GALC: variants seen among roughly 807,000 people sequenced by gnomAD.
GALC encodes galactocerebrosidase.
GALC carries 77 observed loss-of-function variants against 91.8 expected under a neutral mutation model. That is an observed-to-expected ratio of 0.84 (90% CI 0.70 to 1.01). GALC has a LOEUF of 1.01. Ranked by LOEUF, GALC falls within the 50% of genes least tolerant of loss-of-function variation. The probability of loss-of-function intolerance (pLI) is 0.00; values close to 1 mark genes in which losing one functional copy is unlikely to be tolerated. For missense variants in GALC, 882 were observed against 855.9 expected, an observed-to-expected ratio of 1.03 and a Z score of -0.38; for synonymous variants, 357 against 306.7, an observed-to-expected ratio of 1.16 and a Z score of -1.71.
At chr14:87,989,111 A>C (rs1887092518) in intron 1 of GALC, among the ~76,000 whole-genome samples, 1 of 152,194 alleles carries the variant, frequency 6.6e-6, no homozygotes, top group African/African-American at 2.4e-5. Flanking sequence ...ACGGCATACA[A>C]CTATTTGAAA....
At chr14:87,950,611 A>G (rs1401162138) in intron 11 of GALC, 48 bp downstream of exon 11, 3 of 1,195,290 alleles carry the variant, frequency 2.5e-6, no homozygotes, top group Non-Finnish European at 3.7e-6. Flanking sequence ...GACAGAATAT[A>G]TAAATTCTTA....
At chr14:87,941,614 T>C (rs1884859207) in intron 14 of GALC, 56 bp from the exon 15 acceptor site, 1 of 1,148,790 alleles carries the variant, frequency 8.7e-7, no homozygotes, top group Non-Finnish European at 1.3e-6. Flanking sequence ...TGTAACATAG[T>C]ACAGATATGT....
In GALC at chr14:87,975,263, G is replaced by A. The variant is rs147369538; in HGVS notation, c.752+1095C>T. 2.2e-4 allele frequency among the ~76,000 whole-genome samples: 33 copies of A among 152,030 alleles called. No individual in the cohort carries two copies. In the East Asian group the frequency reaches 3.1e-3, roughly 14 times the overall value. On this transcript the variant is annotated intron_variant, in intron 7 of 16. Coordinates refer to ENST00000261304, the MANE Select transcript of GALC (RefSeq NM_000153.4). ...CAAAGTTTGTAAGACAAACAACCCC[G>A]TTCTTCAACAAATTAAAAGAAAGAA...
intron 1 of GALC, chr14:87,992,579 C>G (rs1887250475): frequency 1.3e-6 from 2 of 1,484,932 alleles, no homozygotes; most frequent in Non-Finnish European, 1.8e-6. Flanking sequence ...CGGACGCTCC[C>G]GCACTCCCTG....
chr14:87,968,591 G>C, intron 7 of GALC, 101 bp from the exon 8 acceptor site: 1 of 1,164,650 alleles, frequency 8.6e-7, no homozygotes, highest in East Asian at 2.5e-5. Flanking sequence ...TCTTCTCCAA[G>C]GTTTTCTATT....
chr14:87,992,789 A>T, intron 1 of GALC, 181 bp downstream of exon 1: 2 of 1,411,032 alleles, frequency 1.4e-6, no homozygotes, highest in Non-Finnish European at 1.8e-6. Flanking sequence ...TTAAACGAGA[A>T]AGCACCCGCC....
intron 7 of GALC, among the ~76,000 whole-genome samples, chr14:87,970,443 T>A (rs1485602648): frequency 1.3e-5 from 2 of 152,112 alleles, no homozygotes; most frequent in South Asian, 2.1e-4. Flanking sequence ...ATAGGTGATA[T>A]ATCCTTCATT....
Position 87,950,708 on chromosome 14 carries a change from T to G in GALC, c.1202A>C (p.Tyr401Ser). ...HSKCIRPFLP[Y>S]FNVSQQFATF... is the part of the protein sequence containing the mutation. The stretch of plus-strand genomic sequence containing the variant: ...GGCAAATTGTTGTGACACATTGAAA[T>G]AAGGAAGAAATGGCCGTATGCACTT... The change falls in exon 11 of 17, where the codon TAT becomes TCT. Residue 401 changes from tyrosine (Y) to serine (S), a missense_variant. Physicochemically the swap from Tyr to Ser is moderately radical, Grantham distance 144. Coordinates refer to ENST00000261304, the MANE Select transcript of GALC (RefSeq NM_000153.4). 6.2e-7 allele frequency: 1 copy of G among 1,607,452 alleles called. No homozygotes were observed. Among genetic ancestry groups the G allele is most frequent in the East Asian group, 2.2e-5 (1 of 44,638 alleles).
chr14:87,954,169 T>C (rs1885422993), intron 10 of GALC: 3 of 1,595,844 alleles, frequency 1.9e-6, no homozygotes, highest in South Asian at 2.2e-5. Flanking sequence ...CTGGCACAGG[T>C]GTCCTCAAAA....
At position 87,934,512 on chromosome 14, in the gene GALC, C is replaced by T. The variant is rs1884487097; in HGVS notation, c.*220G>A. ...CACAGTTTGAATGTTAGGGAACACA[C>T]CAGGTAATGTTAAAGATTCACCAGT... On this transcript the variant is annotated 3_prime_UTR_variant, in exon 17 of 17. Coordinates refer to ENST00000261304, the MANE Select transcript of GALC (RefSeq NM_000153.4). 3 of 1,425,062 alleles carry T rather than the reference C, an allele frequency of 2.1e-6. No individual in the cohort carries two copies. The highest frequency in any genetic ancestry group is 2.7e-6 in the Non-Finnish European group (3 of 1,094,330). 88.3% of individuals were successfully genotyped at this position (1,425,062 alleles called of 1,614,324 possible).
At chr14:87,954,574 A>C in intron 10 of GALC, 1 of 1,570,592 alleles carries the variant, frequency 6.4e-7, no homozygotes, top group East Asian at 2.3e-5. Flanking sequence ...GGGCAATTAC[A>C]TTTAAAGCAA....
chr14:87,985,106 GTGATACA>G (rs1242631566), intron 4 of GALC, among the ~76,000 whole-genome samples: 4 of 152,124 alleles, frequency 2.6e-5, no homozygotes, highest in Non-Finnish European at 4.4e-5. Flanking sequence ...CCCTTGTTAA[GTGATACA>G]CATCAAATAA....
rs115362017 is a variant in GALC, at chr14:87,936,613, G to A, written c.1912-1735C>T. Among the ~76,000 whole-genome samples, 676 of 151,824 alleles carry A rather than the reference G, an allele frequency of 4.5e-3. 4 individuals carry two copies. The highest frequency in any genetic ancestry group is 0.015 in the African/African-American group (638 of 41,422). On this transcript the variant is annotated intron_variant, in intron 16 of 16. Coordinates refer to ENST00000261304, the MANE Select transcript of GALC (RefSeq NM_000153.4). ...AGAGAGCAGGAATCTTGTCTGTTTCGTTCGCTGCTGTATCCCTAGGACTTA... is the reference window on the plus strand; with the variant it reads ...AGAGAGCAGGAATCTTGTCTGTTTCATTCGCTGCTGTATCCCTAGGACTTA...
intron 7 of GALC, among the ~76,000 whole-genome samples, chr14:87,973,190 T>C (rs557902960): frequency 7.2e-5 from 11 of 152,270 alleles, no homozygotes; most frequent in Non-Finnish European, 1.6e-4. Flanking sequence ...ATAAAGGTCA[T>C]AGATAAACAT....
At chr14:87,979,378 G>GA (rs1296839719) in intron 6 of GALC, among the ~76,000 whole-genome samples, 7 of 152,100 alleles carry the variant, frequency 4.6e-5, no homozygotes, top group Non-Finnish European at 8.8e-5. Context: ...AATCTTGCTG[G>GA]AAAAAAATGG....
At chr14:87,947,184 C>T (rs929977908) in intron 13 of GALC, among the ~76,000 whole-genome samples, 3 of 152,006 alleles carry the variant, frequency 2.0e-5, no homozygotes, top group Non-Finnish European at 4.4e-5. Flanking sequence ...TGTCTTCTAA[C>T]TTTTTTCCAA....
chr14:87,952,072 TA>T (rs1368631416), intron 10 of GALC, among the ~76,000 whole-genome samples: 6 of 151,278 alleles, frequency 4.0e-5, no homozygotes, highest in Non-Finnish European at 7.4e-5. Context: ...AAAATTTTTT[TA>T]AAAAGTAAAA....
At chr14:87,986,405 T>C in intron 4 of GALC, 84 bp downstream of exon 4, 1 of 845,446 alleles carries the variant, frequency 1.2e-6, no homozygotes, top group Non-Finnish European at 2.0e-6. Flanking sequence ...ACTTCCGTAT[T>C]AATAGAGATT....
At chr14:87,950,849 T>C in intron 10 of GALC, 101 bp from the exon 11 acceptor site, 2 of 684,440 alleles carry the variant, frequency 2.9e-6, no homozygotes, top group Admixed American at 2.5e-5. Flanking sequence ...GAAATTTACA[T>C]ATACTAGATA....
Sources: allele counts gnomAD v4.1 joint callset (sites outside exome capture counted in the v4.1 genomes callset), GRCh38; gene constraint gnomAD v4.1.1; transcripts MANE v1.5; gene names NCBI Gene and HGNC (gene_info 2026-07-23, HGNC 2026-07-21).